The following RFXANK variants were observed in gnomAD, a reference collection of about 807,000 sequenced individuals.
The protein encoded by RFXANK is regulatory factor X associated ankyrin containing protein.
A neutral mutation model predicts 34.5 loss-of-function variants in RFXANK; 19 were observed. The ratio of observed to expected loss-of-function variants is 0.55; its 90% confidence interval spans 0.38 to 0.81. The LOEUF is 0.81. Ranked by LOEUF, RFXANK falls within the 30% of genes least tolerant of loss-of-function variation. The pLI is 0.00. For missense variants in RFXANK, 295 were observed against 343.5 expected (o/e 0.86, Z 1.12); for synonymous variants, 154 against 149.8 (o/e 1.03, Z -0.20).
chr19:19,198,816 G>C, intron 8 of RFXANK, 93 bp downstream of exon 8: 2 of 1,313,590 alleles, frequency 1.5e-6, no homozygotes, highest in African/African-American at 2.9e-5. Context: ...AGTGTTGCTT[G>C]AAGAGTTCTT....
chr19:19,199,670 G>T (rs915716856), intron 9 of RFXANK, among the ~76,000 whole-genome samples: 5 of 152,100 alleles, frequency 3.3e-5, no homozygotes, highest in Non-Finnish European at 7.4e-5. Flanking sequence ...CAGGTGGGAG[G>T]AGTGGCCCCT....
At chr19:19,193,247 T>A (rs574808278) in intron 2 of RFXANK, 147 bp downstream of exon 2, 22 of 152,592 alleles carry the variant, frequency 1.4e-4, no homozygotes, top group African/African-American at 5.3e-4. Context: ...GATCCCCCGA[T>A]AAGCTATGTA....
rs770387882 is a variant in RFXANK, at chr19:19,197,565, CT to C, written c.383del (p.Leu128ProfsTer76). On this transcript the variant is annotated frameshift_variant, in exon 6 of 10. Transcript: ENST00000303088. LOFTEE classifies it high-confidence loss of function. ...GCCAGACGAGCGCGGCTTCACCCCC[CT>C]CATCTGGGCCTCCGCCTTTGGAGAG... ...NKPDERGFTP[L>X]IWASAFGEIE... 3.1e-6 allele frequency: 5 copies of C among 1,613,836 alleles called. No individual in the cohort carries two copies. The Admixed American group carries it at 8.3e-5, about 27-fold the overall frequency.
intron 9 of RFXANK, among the ~76,000 whole-genome samples, chr19:19,199,463 T>A (rs1432177295): frequency 6.6e-6 from 1 of 151,944 alleles, no homozygotes; most frequent in African/African-American, 2.4e-5. Flanking sequence ...GTGGCCATGA[T>A]GGGGGACACA....
intron 7 of RFXANK, 54 bp downstream of exon 7, chr19:19,198,286 C>T: frequency 1.9e-6 from 3 of 1,609,894 alleles, no homozygotes; most frequent in Non-Finnish European, 2.5e-6. Context: ...TCATTCCTGC[C>T]TCAAATGTTC....
chr19:19,199,128 C>G, intron 8 of RFXANK, 26 bp from the exon 9 acceptor site: 3 of 1,610,480 alleles, frequency 1.9e-6, no homozygotes, highest in Non-Finnish European at 1.7e-6. Flanking sequence ...GCCCCACCCT[C>G]CAGCGCCCTC....
chr19:19,201,426 T>C lies in RFXANK; in HGVS notation c.713-223T>C, dbSNP rs1257930869. ...TTCACACATTTTGCTTGGTAGGAAA[T>C]ATTTTTATATTAATTCTGAAAAGCT... is the stretch of plus-strand genomic sequence containing the variant. On this transcript the variant is annotated intron_variant, in intron 9 of 9. Transcript: ENST00000303088. The C allele has an allele frequency of 3.4e-6, 5 of 1,485,204 alleles. No individual in the cohort carries two copies. The East Asian group carries it at 9.8e-5, about 29-fold the overall frequency. The allele number at this position is 1,485,204 out of a possible 1,614,324, so 92.0% of individuals were successfully genotyped here.
chr19:19,194,425 G>A (rs557660459), intron 3 of RFXANK, among the ~76,000 whole-genome samples: 3 of 152,216 alleles, frequency 2.0e-5, no homozygotes, highest in South Asian at 4.1e-4. Context: ...TAGTAGAGAC[G>A]GGGTTTCACC....
intron 9 of RFXANK, among the ~76,000 whole-genome samples, chr19:19,200,568 T>C (rs967716159): frequency 6.6e-6 from 1 of 151,996 alleles, no homozygotes; most frequent in African/African-American, 2.4e-5. Flanking sequence ...TTCCCCAGCC[T>C]CCTGAGTAGC....
intron 2 of RFXANK, among the ~76,000 whole-genome samples, chr19:19,193,315 T>G (rs969639856): frequency 6.6e-6 from 1 of 151,978 alleles, no homozygotes; most frequent in East Asian, 1.9e-4. Flanking sequence ...AAACTGAGGC[T>G]CAAAGGTTAA....
At position 19,194,037 on chromosome 19, in the gene RFXANK, G is replaced by A. The variant is rs1212837083; in HGVS notation, c.91G>A (p.Ala31Thr). Reference sequence around the variant, plus strand: ...GGACCCTGAAGACCCCGGAGAGGAGGCTGCAGATGGCTCAGACACTGTGGT... The same window carrying A: ...GGACCCTGAAGACCCCGGAGAGGAGACTGCAGATGGCTCAGACACTGTGGT... ...LGDPEDPGEE[A>T]ADGSDTVVLS... The change falls in exon 3 of 10, where the codon GCT becomes ACT. Residue 31 changes from alanine (A) to threonine (T), a missense_variant. Physicochemically the swap from Ala to Thr is moderately conservative, Grantham distance 58 (BLOSUM62 0). Transcript: ENST00000303088. 3 of 1,614,162 alleles carry A rather than the reference G, an allele frequency of 1.9e-6. No homozygotes were observed. The highest frequency in any genetic ancestry group is 2.2e-5 in the East Asian group (1 of 44,884).
In RFXANK at chr19:19,201,751, G is replaced by A; in HGVS notation, c.*32G>A. On this transcript the variant is annotated 3_prime_UTR_variant, in exon 10 of 10. Coordinates refer to ENST00000303088, the MANE Select transcript of RFXANK (RefSeq NM_003721.4). Reference sequence around the variant, plus strand: ...CCTGCCGGGGACTCAGACACTCAGGGAACAAAATGGTCAGCCAGAGCTGGG... The same window carrying A: ...CCTGCCGGGGACTCAGACACTCAGGAAACAAAATGGTCAGCCAGAGCTGGG... 1 of 1,613,636 alleles carries A rather than the reference G, an allele frequency of 6.2e-7. No individual in the cohort carries two copies. Among genetic ancestry groups the A allele is most frequent in the South Asian group, 1.1e-5 (1 of 91,082 alleles).
intron 7 of RFXANK, 83 bp downstream of exon 7, chr19:19,198,315 G>A (rs2060637976): frequency 1.9e-6 from 3 of 1,581,188 alleles, no homozygotes; most frequent in South Asian, 1.1e-5. Flanking sequence ...CTTGAAAGGT[G>A]CAGGCCTGCT....
At chr19:19,192,627 A>G (rs1174853482) in intron 1 of RFXANK, 73 bp downstream of exon 1, 1 of 156,172 alleles carries the variant, frequency 6.4e-6, no homozygotes, top group African/African-American at 2.4e-5. Flanking sequence ...AGCCCCGCCC[A>G]TCTACCCGAA....
chr19:19,193,263 A>G (rs1216513932), intron 2 of RFXANK, among the ~76,000 whole-genome samples, 163 bp downstream of exon 2: 5 of 152,100 alleles, frequency 3.3e-5, no homozygotes, highest in Non-Finnish European at 5.9e-5. Flanking sequence ...ATGTACAGAC[A>G]TAATTCGTTG....
At chr19:19,199,519 A>G (rs1473854014) in intron 9 of RFXANK, among the ~76,000 whole-genome samples, 1 of 152,082 alleles carries the variant, frequency 6.6e-6, no homozygotes, top group Non-Finnish European at 1.5e-5. Flanking sequence ...AAGAGCCCCA[A>G]AGTGGCCAAC....
At chr19:19,193,613 A>C (rs2060537740) in intron 2 of RFXANK, among the ~76,000 whole-genome samples, 1 of 151,628 alleles carries the variant, frequency 6.6e-6, no homozygotes, top group African/African-American at 2.4e-5. Flanking sequence ...ATGGGGTTTC[A>C]CCATGGTGGC....
At chr19:19,201,619 A>G (rs907457323) in intron 9 of RFXANK, 30 bp from the exon 10 acceptor site, 4 of 1,613,794 alleles carry the variant, frequency 2.5e-6, no homozygotes, top group Admixed American at 1.7e-5. Flanking sequence ...ATTCAAGCTC[A>G]CAGCCCACCT....
chr19:19,197,181 C>A lies in RFXANK; in HGVS notation c.272-5C>A. ...AGTGAGGACTCTGCCTCTGTCCTGCCCCAGCCCTGTCCATCCACCAGCTCG... is the reference window on the plus strand; with the variant it reads ...AGTGAGGACTCTGCCTCTGTCCTGCACCAGCCCTGTCCATCCACCAGCTCG... On this transcript the variant is annotated splice_polypyrimidine_tract_variant and splice_region_variant and intron_variant, in intron 4 of 9. Coordinates refer to ENST00000303088, the MANE Select transcript of RFXANK (RefSeq NM_003721.4). The A allele has an allele frequency of 6.2e-7, 1 of 1,613,916 alleles. No individual in the cohort carries two copies. Among genetic ancestry groups the A allele is most frequent in the Non-Finnish European group, 8.5e-7 (1 of 1,179,992 alleles).
Sources: allele counts gnomAD v4.1 joint callset (sites outside exome capture counted in the v4.1 genomes callset), GRCh38; gene constraint gnomAD v4.1.1; transcripts MANE v1.5; gene names NCBI Gene and HGNC (gene_info 2026-07-23, HGNC 2026-07-21).